The following GRIK2 variants were observed in gnomAD, a reference collection of about 807,000 sequenced individuals.
GRIK2 encodes glutamate receptor ionotropic, kainate 2.
A neutral mutation model predicts 100.3 loss-of-function variants in GRIK2; 32 were observed. The ratio of observed to expected loss-of-function variants is 0.32; its 90% CI spans 0.24 to 0.43. The LOEUF (loss-of-function observed/expected upper bound fraction) is 0.43, where lower values mean the gene tolerates loss of function less well. GRIK2 is among the 20% of genes least tolerant of loss of function. The pLI is 1.00. For missense variants in GRIK2, 843 were observed against 1,114.9 expected, an observed-to-expected ratio of 0.76 and a Z score of 3.47; for synonymous variants, 417 against 389.4, an observed-to-expected ratio of 1.07 and a Z score of -0.83.
At chr6:101,558,246 G>A (rs999438066) in intron 2 of GRIK2, among the ~76,000 whole-genome samples, 37 of 152,190 alleles carry the variant, frequency 2.4e-4, no homozygotes, top group African/African-American at 8.9e-4. Context: ...TTCTTTAGGT[G>A]TTGACTAGGT....
intron 7 of GRIK2, among the ~76,000 whole-genome samples, chr6:101,789,698 T>C (rs1779698038): frequency 6.6e-6 from 1 of 152,230 alleles, no homozygotes; most frequent in Non-Finnish European, 1.5e-5. Context: ...GGCTCTTTTT[T>C]GGTGCCGTAT....
intron 2 of GRIK2, among the ~76,000 whole-genome samples, chr6:101,476,165 A>T (rs935524950): frequency 6.6e-6 from 1 of 152,234 alleles, no homozygotes; most frequent in East Asian, 1.9e-4. Context: ...TGAATTTAGT[A>T]TATAACTGTA....
chr6:101,511,033 G>A (rs1261898901), intron 2 of GRIK2, among the ~76,000 whole-genome samples: 1 of 152,156 alleles, frequency 6.6e-6, no homozygotes, highest in Non-Finnish European at 1.5e-5. Flanking sequence ...TAACATTACA[G>A]GAAACTTGTA....
At chr6:101,774,214 A>G (rs1023479203) in intron 7 of GRIK2, among the ~76,000 whole-genome samples, 5 of 152,204 alleles carry the variant, frequency 3.3e-5, no homozygotes, top group African/African-American at 7.2e-5. Context: ...AATTTAGAAA[A>G]AAATCACAGT....
At chr6:101,724,980 T>C (rs1004513262) in intron 7 of GRIK2, among the ~76,000 whole-genome samples, 2 of 152,060 alleles carry the variant, frequency 1.3e-5, no homozygotes, top group African/African-American at 4.8e-5. Context: ...TTTATTGCTC[T>C]CTGTAAGTTA....
chr6:101,749,803 CTTTTTTTTT>C (rs989554915), intron 7 of GRIK2, among the ~76,000 whole-genome samples: 2 of 92,552 alleles, frequency 2.2e-5, no homozygotes, highest in East Asian at 3.1e-4. Flanking sequence ...GTGCCAGTTT[CTTTTTTTTT>C]TTTTTTTTTT....
At chr6:102,034,955 C>T (rs908626796) in intron 14 of GRIK2, among the ~76,000 whole-genome samples, 8 of 151,114 alleles carry the variant, frequency 5.3e-5, no homozygotes, top group African/African-American at 9.7e-5. Flanking sequence ...CTCTCTTCCA[C>T]GTTTGTTGTA....
chr6:101,499,967 ATAT>A (rs1275721667), intron 2 of GRIK2, among the ~76,000 whole-genome samples: 1 of 152,058 alleles, frequency 6.6e-6, no homozygotes, highest in Admixed American at 6.6e-5. Flanking sequence ...TTTTTTTATG[ATAT>A]TATAGGTGTC....
chr6:101,702,793 C>T (rs1055124560), intron 7 of GRIK2, among the ~76,000 whole-genome samples: 41 of 151,636 alleles, frequency 2.7e-4, no homozygotes, highest in African/African-American at 8.7e-4. Flanking sequence ...AATAGGTAGC[C>T]ATACAAATAT....
intron 14 of GRIK2, among the ~76,000 whole-genome samples, chr6:101,983,478 A>T (rs1002427273): frequency 1.3e-5 from 2 of 151,808 alleles, no homozygotes; most frequent in African/African-American, 4.8e-5. Flanking sequence ...AAAAATCCTT[A>T]GTGTAACTGC....
At chr6:101,620,306 T>G in intron 2 of GRIK2, 1 of 377,352 alleles carries the variant, frequency 2.7e-6, no homozygotes, top group Non-Finnish European at 3.6e-6. Context: ...TTATTATCCT[T>G]TTGCTTAACA....
At chr6:101,637,323 G>A (rs551285483) in intron 4 of GRIK2, among the ~76,000 whole-genome samples, 1 of 151,886 alleles carries the variant, frequency 6.6e-6, no homozygotes, top group Non-Finnish European at 1.5e-5. Flanking sequence ...TGTCTCATAG[G>A]TACATCTAAC....
rs1254280390 is a variant in GRIK2 at position 101,754,093 on chromosome 6, C to G, written c.952-45555C>G. On this transcript the variant is annotated intron_variant, in intron 7 of 16. Transcript: ENST00000369134. The stretch of plus-strand genomic sequence containing the variant: ...CTGGAGAAGAAATATCACAATATTT[C>G]TTAGATAACTTCTTCTCCTATAAGT... Among the ~76,000 whole-genome samples, 5 of 151,590 alleles carry G rather than the reference C, an allele frequency of 3.3e-5. No homozygotes were observed. In the East Asian group the frequency reaches 9.7e-4, roughly 29 times the overall value.
intron 14 of GRIK2, among the ~76,000 whole-genome samples, chr6:102,021,876 G>A (rs1313934098): frequency 6.6e-6 from 1 of 150,452 alleles, no homozygotes; most frequent in Non-Finnish European, 1.5e-5. Context: ...GTGAGCGGGT[G>A]TCACTTTTGT....
At chr6:101,659,412 A>G (rs1276903111) in intron 4 of GRIK2, among the ~76,000 whole-genome samples, 1 of 152,108 alleles carries the variant, frequency 6.6e-6, no homozygotes, top group Non-Finnish European at 1.5e-5. Context: ...TGGTTACTGT[A>G]GCCTTTTAGT....
intron 16 of GRIK2, among the ~76,000 whole-genome samples, chr6:102,064,336 T>TTCTTTCCTTTCC (rs1771901182): frequency 6.7e-6 from 1 of 148,776 alleles, no homozygotes; most frequent in Non-Finnish European, 1.5e-5. Context: ...TTCCTTTCCT[T>TTCTTTCCTTTCC]TCTTTCCTTT....
chr6:101,779,869 C>T (rs1002740368), intron 7 of GRIK2, among the ~76,000 whole-genome samples: 1 of 151,038 alleles, frequency 6.6e-6, no homozygotes, highest in African/African-American at 2.5e-5. Context: ...AGAGATAAAT[C>T]TCTCTCTCTA....
intron 4 of GRIK2, among the ~76,000 whole-genome samples, chr6:101,645,923 T>C (rs1781505944): frequency 6.6e-6 from 1 of 151,982 alleles, no homozygotes; most frequent in Admixed American, 6.6e-5. Flanking sequence ...TTTTGAAGGC[T>C]TATTATGCAT....
At chr6:101,811,459 G>A (rs1029420992) in intron 9 of GRIK2, among the ~76,000 whole-genome samples, 1 of 151,958 alleles carries the variant, frequency 6.6e-6, no homozygotes, top group Admixed American at 6.6e-5. Flanking sequence ...AAAGTATAAA[G>A]AGAATTTTGA....
Sources: allele counts gnomAD v4.1 joint callset (sites outside exome capture counted in the v4.1 genomes callset), GRCh38; gene constraint gnomAD v4.1.1; transcripts MANE v1.5; gene names NCBI Gene and HGNC (gene_info 2026-07-23, HGNC 2026-07-21).